Variants in NHLRC2 observed in about 807,000 individuals in gnomAD.
NHLRC2 encodes the protein NHL repeat-containing protein 2.
NHLRC2 carries 33 observed loss-of-function variants against 68.1 expected under a neutral mutation model. That is an observed-to-expected ratio of 0.48 (90% CI 0.37 to 0.65). The LOEUF (loss-of-function observed/expected upper bound fraction) is 0.65. NHLRC2 is among the 30% of genes least tolerant of loss of function. The pLI, the probability that NHLRC2 is intolerant of heterozygous loss-of-function variation, is 0.00. For synonymous variants in NHLRC2, 311 were observed against 309.6 expected (o/e 1.00, Z -0.05); for missense variants, 761 against 853.8 (o/e 0.89, Z 1.35).
intron 2 of NHLRC2, 51 bp from the exon 3 acceptor site, chr10:113,876,470 A>G (rs756639055): frequency 1.8e-6 from 2 of 1,091,568 alleles, no homozygotes; most frequent in African/African-American, 3.2e-5. Context: ...AGATGATGAT[A>G]TTCAAACTTA....
intron 5 of NHLRC2, among the ~76,000 whole-genome samples, chr10:113,888,440 T>C (rs937088531): frequency 6.6e-6 from 1 of 152,206 alleles, no homozygotes; most frequent in African/African-American, 2.4e-5. Context: ...CAATTATTAT[T>C]GGTCAATTAA....
At chr10:113,871,212 CAG>C (rs1285181311) in intron 2 of NHLRC2, among the ~76,000 whole-genome samples, 1 of 152,046 alleles carries the variant, frequency 6.6e-6, no homozygotes, top group Non-Finnish European at 1.5e-5. Context: ...TTAGTAGAGA[CAG>C]AGTTTCTCCA....
Position 113,910,991 on chromosome 10 carries a change from C to T in NHLRC2, c.*2455C>T, listed in dbSNP as rs1846323376. The T allele has an allele frequency of 2.6e-5, 4 of 152,096 alleles. No homozygotes were observed. Among genetic ancestry groups the T allele is most frequent in the Admixed American group, 2.6e-4 (4 of 15,276 alleles). 9.4% of individuals were successfully genotyped at this position (152,096 alleles called of 1,614,324 possible). On this transcript the variant is annotated 3_prime_UTR_variant, in exon 11 of 11. Transcript: ENST00000369301. ...GATAAACCTCTCACATAAGAGGAAG[C>T]ACTAGAAAGTTTATTTTTAAAACTT...
intron 5 of NHLRC2, among the ~76,000 whole-genome samples, chr10:113,888,141 G>GT (rs1846098542): frequency 6.6e-6 from 1 of 152,168 alleles, no homozygotes; most frequent in Non-Finnish European, 1.5e-5. Flanking sequence ...TAGGAAGGTG[G>GT]TTGCTAGAGG....
chr10:113,877,327 A>T (rs1845993438), intron 3 of NHLRC2, among the ~76,000 whole-genome samples: 1 of 151,912 alleles, frequency 6.6e-6, no homozygotes, highest in Non-Finnish European at 1.5e-5. Flanking sequence ...TTTAAGTAGA[A>T]GTATTATGTT....
chr10:113,900,798 T>C (rs1407917542), intron 6 of NHLRC2, among the ~76,000 whole-genome samples: 2 of 152,178 alleles, frequency 1.3e-5, no homozygotes, highest in Non-Finnish European at 2.9e-5. Flanking sequence ...ACCTAACTTA[T>C]TATGGGAACA....
intron 2 of NHLRC2, among the ~76,000 whole-genome samples, chr10:113,862,329 T>C (rs1845824039): frequency 2.0e-5 from 3 of 152,178 alleles, no homozygotes; most frequent in Admixed American, 1.3e-4. Context: ...TTGTGTGTTA[T>C]TGAAGCTGGC....
At chr10:113,855,767 G>A (rs1024959739) in intron 1 of NHLRC2, among the ~76,000 whole-genome samples, 1 of 152,152 alleles carries the variant, frequency 6.6e-6, no homozygotes, top group African/African-American at 2.4e-5. Context: ...CCAAAGTGCT[G>A]GGATTACAGG....
At position 113,916,058 on chromosome 10, in the gene NHLRC2, T is replaced by C. The variant is rs929547314; in HGVS notation, c.*7522T>C. ...AATAGACATGTTCCTCTCTGAACAT[T>C]TAGAAGGACTCTGCCCTACAACTAT... On this transcript the variant is annotated 3_prime_UTR_variant, in exon 11 of 11. Transcript: ENST00000369301. 1 of 152,228 alleles carries C rather than the reference T, an allele frequency of 6.6e-6. No homozygotes were observed. The highest frequency in any genetic ancestry group is 2.1e-4 in the South Asian group (1 of 4,836). The allele number at this position is 152,228 out of a possible 1,614,324, so 9.4% of individuals were successfully genotyped here.
chr10:113,879,501 T>C (rs1846017465), intron 3 of NHLRC2, 73 bp from the exon 4 acceptor site: 2 of 1,299,764 alleles, frequency 1.5e-6, no homozygotes, highest in Non-Finnish European at 2.1e-6. Context: ...CAGCATTAAA[T>C]ACAAGTTTGT....
intron 2 of NHLRC2, among the ~76,000 whole-genome samples, chr10:113,875,180 A>G (rs1589539040): frequency 6.6e-6 from 1 of 151,972 alleles, no homozygotes; most frequent in Non-Finnish European, 1.5e-5. Flanking sequence ...ATAGTCCTGT[A>G]GGGAACATTG....
At chr10:113,878,332 G>A (rs997726122) in intron 3 of NHLRC2, among the ~76,000 whole-genome samples, 2 of 151,910 alleles carry the variant, frequency 1.3e-5, no homozygotes, top group African/African-American at 4.8e-5. Flanking sequence ...ACAATTGTAG[G>A]TACAGTAGAC....
At chr10:113,862,390 C>G (rs1217362579) in intron 2 of NHLRC2, among the ~76,000 whole-genome samples, 6 of 150,222 alleles carry the variant, frequency 4.0e-5, no homozygotes, top group Non-Finnish European at 8.8e-5. Flanking sequence ...TGTAATTCCT[C>G]TGGTTACCAC....
At chr10:113,881,144 A>G (rs1846033192) in intron 4 of NHLRC2, among the ~76,000 whole-genome samples, 1 of 151,854 alleles carries the variant, frequency 6.6e-6, no homozygotes, top group Non-Finnish European at 1.5e-5. Context: ...TGTGTCTATA[A>G]TTCGTCAGAG....
chr10:113,891,357 C>T (rs1368792772), intron 5 of NHLRC2, among the ~76,000 whole-genome samples: 2 of 152,124 alleles, frequency 1.3e-5, no homozygotes, highest in East Asian at 3.9e-4. Flanking sequence ...TCTGATCATT[C>T]CTTTGTTACT....
At position 113,914,941 on chromosome 10, in the gene NHLRC2, C is replaced by T. The variant is rs558403556; in HGVS notation, c.*6405C>T. ...CCTTTACATATGAGCTCTGGAGGTTCGCCTGGCTGCCTCAGGCTTGCAGAA... is the reference window on the plus strand; with the variant it reads ...CCTTTACATATGAGCTCTGGAGGTTTGCCTGGCTGCCTCAGGCTTGCAGAA... On this transcript the variant is annotated 3_prime_UTR_variant, in exon 11 of 11. Transcript: ENST00000369301. 34 of 455,586 alleles carry T rather than the reference C, an allele frequency of 7.5e-5. No individual in the cohort carries two copies. The highest frequency in any genetic ancestry group is 5.4e-4 in the African/African-American group (27 of 50,164). 28.2% of individuals were successfully genotyped at this position (455,586 alleles called of 1,614,324 possible). A position where few individuals can be genotyped will look rare whatever the true frequency, so the allele number is the denominator to read the frequency against.
In NHLRC2 at chr10:113,914,957, G is replaced by A. The variant is rs1299987567; in HGVS notation, c.*6421G>A. 2.2e-6 allele frequency: 1 copy of A among 456,218 alleles called. No homozygotes were observed. The highest frequency in any genetic ancestry group is 2.0e-5 in the African/African-American group (1 of 50,200). 28.3% of individuals were successfully genotyped at this position (456,218 alleles called of 1,614,324 possible). ...CTGGAGGTTCGCCTGGCTGCCTCAG[G>A]CTTGCAGAAGGCTGCCCCAATCACA... On this transcript the variant is annotated 3_prime_UTR_variant, in exon 11 of 11. Coordinates refer to ENST00000369301, the MANE Select transcript of NHLRC2 (RefSeq NM_198514.4).
At chr10:113,875,055 G>C (rs1342887288) in intron 2 of NHLRC2, among the ~76,000 whole-genome samples, 2 of 149,538 alleles carry the variant, frequency 1.3e-5, no homozygotes, top group Non-Finnish European at 3.0e-5. Flanking sequence ...TGTTTTTTTT[G>C]CCCCCTACCT....
intron 1 of NHLRC2, 118 bp from the exon 2 acceptor site, chr10:113,858,410 T>G (rs1845781779): frequency 4.6e-6 from 3 of 648,636 alleles, no homozygotes. Context: ...ATGGTGCTAC[T>G]CTCTCAAAGT....
Sources: gnomAD v4.1 joint callset for allele counts (sites outside exome capture counted in the v4.1 genomes callset) on GRCh38, gnomAD v4.1.1 for gene constraint, MANE v1.5 for transcripts, NCBI Gene and HGNC (gene_info 2026-07-23, HGNC 2026-07-21) for gene names.